Variants in SLC4A4 observed in about 807,000 individuals in gnomAD.
SLC4A4 encodes electrogenic sodium bicarbonate cotransporter 1.
SLC4A4 carries 27 observed loss-of-function variants against 111.5 expected under a neutral mutation model. The observed-to-expected ratio is 0.24, with a 90% CI of 0.18 to 0.33. The LOEUF is 0.33. Among genes scored for constraint, SLC4A4 ranks in the 10% least tolerant of loss-of-function variants. SLC4A4 has a pLI of 1.00. For missense variants in SLC4A4, 909 were observed against 1,315.5 expected, an observed-to-expected ratio of 0.69 and a Z score of 4.78; for synonymous variants, 443 against 463.4, an observed-to-expected ratio of 0.96 and a Z score of 0.57.
chr4:71,251,822 C>G (rs1162677105), intron 2 of SLC4A4, among the ~76,000 whole-genome samples: 3 of 151,984 alleles, frequency 2.0e-5, no homozygotes, highest in Admixed American at 2.0e-4. Context: ...GCAGTATTTC[C>G]TGAGTTTTCT....
At chr4:71,410,433 C>A (rs1721268295) in intron 7 of SLC4A4, among the ~76,000 whole-genome samples, 2 of 152,170 alleles carry the variant, frequency 1.3e-5, no homozygotes, top group Non-Finnish European at 2.9e-5. Flanking sequence ...AAATTTGACA[C>A]CCCCACTGGA....
intron 3 of SLC4A4, among the ~76,000 whole-genome samples, chr4:71,273,205 A>T (rs2602096): frequency 0.99 from 151,085 of 152,328 alleles, 74,935 homozygotes; most frequent in Middle Eastern, 1. Context: ...GGCATTCAGC[A>T]GGTAAATGGC....
chr4:71,528,915 C>A (rs968587013), intron 16 of SLC4A4, among the ~76,000 whole-genome samples: 1 of 151,770 alleles, frequency 6.6e-6, no homozygotes, highest in Admixed American at 6.6e-5. Context: ...AAATTCATCT[C>A]TACATAGTAG....
intron 3 of SLC4A4, among the ~76,000 whole-genome samples, chr4:71,318,960 C>T (rs923838512): frequency 6.6e-6 from 1 of 151,564 alleles, no homozygotes; most frequent in African/African-American, 2.4e-5. Flanking sequence ...CTGGACATAT[C>T]TTAGGCTATA....
intron 18 of SLC4A4, among the ~76,000 whole-genome samples, chr4:71,542,695 A>G (rs1026308): frequency 0.72 from 109,258 of 151,812 alleles, 39,543 homozygotes; most frequent in Admixed American, 0.77. Flanking sequence ...CTTTGCGCTA[A>G]GTTGGGTACC....
At chr4:71,087,290 C>T (rs986032130) in intron 1 of SLC4A4, among the ~76,000 whole-genome samples, 32 of 151,822 alleles carry the variant, frequency 2.1e-4, no homozygotes, top group African/African-American at 7.8e-4. Context: ...TTTGAGTCTT[C>T]TCTCTTTTTT....
chr4:71,315,834 T>C (rs1424239714), intron 3 of SLC4A4, among the ~76,000 whole-genome samples: 1 of 152,152 alleles, frequency 6.6e-6, no homozygotes, highest in Non-Finnish European at 1.5e-5. Context: ...GAAGATTTAA[T>C]GACCATAGCA....
intron 20 of SLC4A4, among the ~76,000 whole-genome samples, chr4:71,549,568 AT>A (rs1406024232): frequency 2.6e-5 from 4 of 151,660 alleles, no homozygotes; most frequent in African/African-American, 9.7e-5. Flanking sequence ...TTTTTCTTTT[AT>A]TTTTATATTA....
In SLC4A4 at chr4:71,440,445, A is replaced by C. The variant is rs181233857; in HGVS notation, c.808-171A>C. On this transcript the variant is annotated intron_variant, in intron 7 of 25. Coordinates refer to ENST00000264485, the MANE Select transcript of SLC4A4 (RefSeq NM_001098484.3). Reference sequence around the variant, plus strand: ...AATGTTTACTATAATATAATGTTTAAACATAATGTAAAAGTGGCTAGCTAG... The same window carrying C: ...AATGTTTACTATAATATAATGTTTACACATAATGTAAAAGTGGCTAGCTAG... Among the ~76,000 whole-genome samples the C allele has an allele frequency of 6.8e-4, 104 of 152,340 alleles. 1 individual carries two copies. The highest frequency in any genetic ancestry group is 1.2e-3 in the Non-Finnish European group (84 of 68,032).
intron 3 of SLC4A4, among the ~76,000 whole-genome samples, chr4:71,320,719 G>T (rs1365023560): frequency 6.6e-6 from 1 of 151,966 alleles, no homozygotes; most frequent in East Asian, 1.9e-4. Flanking sequence ...GTACTTGATG[G>T]ATCTAAACAA....
intron 6 of SLC4A4, among the ~76,000 whole-genome samples, chr4:71,397,061 G>A (rs1719882216): frequency 6.6e-6 from 1 of 152,168 alleles, no homozygotes; most frequent in Admixed American, 6.6e-5. Flanking sequence ...AGCCAGAGAA[G>A]GGAACACTTT....
intron 3 of SLC4A4, among the ~76,000 whole-genome samples, chr4:71,326,381 G>A (rs542434521): frequency 6.6e-6 from 1 of 152,026 alleles, no homozygotes; most frequent in African/African-American, 2.4e-5. Flanking sequence ...CTTACTGTAT[G>A]ACATTGAGTA....
intron 2 of SLC4A4, among the ~76,000 whole-genome samples, chr4:71,101,937 C>A (rs942884459): frequency 3.3e-5 from 5 of 151,852 alleles, no homozygotes; most frequent in African/African-American, 1.2e-4. Flanking sequence ...CTTTGGCGAG[C>A]TGAGAGAAGA....
chr4:71,074,123 A>T (rs1741746221), intron 1 of SLC4A4, among the ~76,000 whole-genome samples: 1 of 152,190 alleles, frequency 6.6e-6, no homozygotes, highest in Non-Finnish European at 1.5e-5. Flanking sequence ...GGGATTAATT[A>T]CCTGAAAAAC....
chr4:71,078,954 G>A (rs1741919581), intron 1 of SLC4A4, among the ~76,000 whole-genome samples: 1 of 152,014 alleles, frequency 6.6e-6, no homozygotes, highest in Admixed American at 6.6e-5. Context: ...AAGTAGCCAG[G>A]ATTACAGGCA....
chr4:71,509,927 A>G (rs1014332674), intron 16 of SLC4A4, among the ~76,000 whole-genome samples: 1 of 152,188 alleles, frequency 6.6e-6, no homozygotes, highest in African/African-American at 2.4e-5. Context: ...GGAGAGAAGC[A>G]GTGGCTTCTG....
At chr4:71,172,753 G>T (rs1197687017) in intron 2 of SLC4A4, among the ~76,000 whole-genome samples, 1 of 152,122 alleles carries the variant, frequency 6.6e-6, no homozygotes, top group Non-Finnish European at 1.5e-5. Context: ...CTAGCATCAG[G>T]CTCAGTGCCT....
intron 1 of SLC4A4, among the ~76,000 whole-genome samples, chr4:71,220,639 A>G (rs1442884501): frequency 6.6e-6 from 1 of 152,200 alleles, no homozygotes; most frequent in Non-Finnish European, 1.5e-5. Flanking sequence ...CATGTGTCAC[A>G]TTAGATAGTT....
intron 2 of SLC4A4, among the ~76,000 whole-genome samples, chr4:71,155,104 GTA>G (rs980316832): frequency 7.3e-6 from 1 of 137,570 alleles, no homozygotes; most frequent in Non-Finnish European, 1.6e-5. Flanking sequence ...GTGTGTGTGT[GTA>G]TGTATGTGTG....
Sources: allele counts gnomAD v4.1 joint callset (sites outside exome capture counted in the v4.1 genomes callset), GRCh38; gene constraint gnomAD v4.1.1; transcripts MANE v1.5; gene names NCBI Gene and HGNC (gene_info 2026-07-23, HGNC 2026-07-21).